The following GLRB variants were observed in gnomAD, a reference collection of about 807,000 sequenced individuals.
GLRB encodes the protein glycine receptor beta, also known as glycine receptor subunit beta.
A neutral mutation model predicts 54.2 loss-of-function variants in GLRB; 33 were observed. The observed-to-expected ratio is 0.61, with a 90% CI of 0.46 to 0.81. The LOEUF is 0.81. Among genes scored for constraint, GLRB ranks in the 40% least tolerant of loss-of-function variants. The probability of loss-of-function intolerance (pLI) is 0.00; values close to 1 mark genes in which losing one functional copy is unlikely to be tolerated. For missense variants in GLRB, 572 were observed against 584.6 expected (o/e 0.98, Z 0.22); for synonymous variants, 209 against 208.2 (o/e 1.00, Z -0.03).
chr4:157,146,050 TC>T (rs1036216097), intron 8 of GLRB, among the ~76,000 whole-genome samples: 2 of 151,622 alleles, frequency 1.3e-5, no homozygotes, highest in African/African-American at 2.4e-5. Context: ...GGAGTCTTGC[TC>T]TGTTGCCCAG....
intron 8 of GLRB, among the ~76,000 whole-genome samples, chr4:157,150,934 A>G (rs895187866): frequency 3.3e-5 from 5 of 152,004 alleles, no homozygotes; most frequent in Non-Finnish European, 7.4e-5. Flanking sequence ...AAGTAATGCT[A>G]CTTAAGTATT....
intron 8 of GLRB, among the ~76,000 whole-genome samples, chr4:157,149,899 C>T (rs1295985214): frequency 6.6e-6 from 1 of 151,338 alleles, no homozygotes; most frequent in African/African-American, 2.4e-5. Flanking sequence ...TTCTAGTTTT[C>T]AATTTTTCTC....
At chr4:157,144,989 C>T (rs1328824645) in intron 8 of GLRB, among the ~76,000 whole-genome samples, 1 of 152,166 alleles carries the variant, frequency 6.6e-6, no homozygotes, top group East Asian at 1.9e-4. Flanking sequence ...TGTATTATTA[C>T]ATGTATTATA....
At chr4:157,129,460 C>T (rs1017107444) in intron 4 of GLRB, among the ~76,000 whole-genome samples, 2 of 151,686 alleles carry the variant, frequency 1.3e-5, no homozygotes, top group African/African-American at 4.8e-5. Context: ...GAGCTTTTAT[C>T]TTTTCATGAA....
chr4:157,155,431 C>T (rs79558020), intron 9 of GLRB, among the ~76,000 whole-genome samples: 7,441 of 152,202 alleles, frequency 0.049, 208 homozygotes, highest in Middle Eastern at 0.11. Context: ...CATGCCTTTT[C>T]GGGAATTTCC....
Position 157,138,949 on chromosome 4 carries a change from G to A in GLRB, c.751G>A (p.Gly251Ser). The change falls in exon 7 of 10, where the codon GGC (glycine) becomes AGC (serine). Residue 251 changes from glycine (G) to serine (S), a missense_variant and splice_region_variant. Coordinates refer to ENST00000264428, the MANE Select transcript of GLRB (RefSeq NM_000824.5). The part of the protein sequence containing the change: ...GNCTKYYKGT[G>S]YYTCVEVIFT... ...CTGTACAAAATACTATAAAGGCACG[G>A]GTAAGTAATATTCTTTAAATAAAAC... 1 of 1,362,050 alleles carries A rather than the reference G, an allele frequency of 7.3e-7. No homozygotes were observed. Among genetic ancestry groups the A allele is most frequent in the Admixed American group, 1.7e-5 (1 of 59,526 alleles). 84.4% of individuals were successfully genotyped at this position (1,362,050 alleles called of 1,614,324 possible).
chr4:157,109,940 C>T (rs1383940435), intron 2 of GLRB, among the ~76,000 whole-genome samples: 1 of 152,010 alleles, frequency 6.6e-6, no homozygotes, highest in Non-Finnish European at 1.5e-5. Flanking sequence ...TCCTCTATGT[C>T]TCCAGCTTTC....
At chr4:157,121,562 G>T (rs1387701767) in intron 3 of GLRB, among the ~76,000 whole-genome samples, 2 of 150,850 alleles carry the variant, frequency 1.3e-5, no homozygotes, top group Non-Finnish European at 3.0e-5. Context: ...TTCATTACCA[G>T]GACCTATTCA....
intron 4 of GLRB, among the ~76,000 whole-genome samples, chr4:157,135,004 A>AT (rs1267304488): frequency 1.3e-5 from 2 of 152,134 alleles, no homozygotes; most frequent in African/African-American, 4.8e-5. Flanking sequence ...ATTAAATGTG[A>AT]TTTTGTAAAG....
chr4:157,143,659 T>C (rs1339099021), intron 7 of GLRB, 148 bp from the exon 8 acceptor site: 17 of 725,068 alleles, frequency 2.3e-5, no homozygotes, highest in Non-Finnish European at 9.4e-6. Context: ...ATAAATTATA[T>C]ATCTGCAAAG....
In GLRB at chr4:157,163,131, G is replaced by A. The variant is rs538507999; in HGVS notation, c.1198-7301G>A. On this transcript the variant is annotated intron_variant, in intron 9 of 9. Transcript: ENST00000264428. ...AGGCTCCGTGGGCATGGGACCCTCC[G>A]AGCCACGCATGGGATATAATTTCCT... Among the ~76,000 whole-genome samples, 24 of 152,238 alleles carry A rather than the reference G, an allele frequency of 1.6e-4. No individual in the cohort carries two copies. In the South Asian group the frequency reaches 4.1e-3, roughly 26 times the overall value.
chr4:157,128,287 A>G (rs1736089446), intron 4 of GLRB, among the ~76,000 whole-genome samples: 1 of 151,840 alleles, frequency 6.6e-6, no homozygotes, highest in African/African-American at 2.4e-5. Context: ...TGTTATGGAT[A>G]CTTTCCTCAT....
chr4:157,101,677 A>G (rs1226456525), intron 2 of GLRB, among the ~76,000 whole-genome samples: 1 of 151,944 alleles, frequency 6.6e-6, no homozygotes, highest in Non-Finnish European at 1.5e-5. Flanking sequence ...TCTGTAGTAT[A>G]CTTAGGTTTT....
chr4:157,131,649 C>T (rs546714208), intron 4 of GLRB, among the ~76,000 whole-genome samples: 4 of 151,720 alleles, frequency 2.6e-5, no homozygotes, highest in Non-Finnish European at 5.9e-5. Context: ...TTTGCCTTTT[C>T]CAGAATGTCA....
At chr4:157,081,990 C>T (rs1734237896) in intron 2 of GLRB, among the ~76,000 whole-genome samples, 1 of 152,182 alleles carries the variant, frequency 6.6e-6, no homozygotes, top group African/African-American at 2.4e-5. Flanking sequence ...CTCTCATATA[C>T]CCGTGCTCTT....
At chr4:157,163,230 C>G (rs566858416) in intron 9 of GLRB, among the ~76,000 whole-genome samples, 419 of 152,258 alleles carry the variant, frequency 2.8e-3, no homozygotes, top group African/African-American at 9.6e-3. Context: ...CAGGTACCAT[C>G]TGTCACAGCT....
At chr4:157,076,395 T>A (rs1368543996) in intron 1 of GLRB, 98 bp downstream of exon 1, 1 of 151,506 alleles carries the variant, frequency 6.6e-6, no homozygotes, top group African/African-American at 2.4e-5. Context: ...AAACAGCGGG[T>A]CAAGCCCGGG....
intron 8 of GLRB, among the ~76,000 whole-genome samples, chr4:157,146,347 G>A (rs888150035): frequency 6.6e-6 from 1 of 151,704 alleles, no homozygotes; most frequent in Non-Finnish European, 1.5e-5. Flanking sequence ...GAAATACAAA[G>A]TCGCTAAAGG....
chr4:157,135,325 TA>T (rs1314389201), intron 4 of GLRB, among the ~76,000 whole-genome samples: 1 of 152,144 alleles, frequency 6.6e-6, no homozygotes, highest in Admixed American at 6.6e-5. Flanking sequence ...TTTACCTTGA[TA>T]AAACACAGCA....
Sources: allele counts gnomAD v4.1 joint callset (sites outside exome capture counted in the v4.1 genomes callset), GRCh38; gene constraint gnomAD v4.1.1; transcripts MANE v1.5; gene names NCBI Gene and HGNC (gene_info 2026-07-23, HGNC 2026-07-21).